The following NDC80 variants were observed in gnomAD, a reference collection of about 807,000 sequenced individuals.
NDC80 encodes kinetochore protein NDC80 homolog.
NDC80 carries 69 observed loss-of-function variants against 89.3 expected under a neutral mutation model. The observed-to-expected ratio is 0.77, with a 90% CI of 0.64 to 0.94. NDC80 has a LOEUF of 0.94. Among genes scored for constraint, NDC80 ranks in the 40% least tolerant of loss-of-function variants. The pLI, the probability that NDC80 is intolerant of heterozygous loss-of-function variation, is 0.00. For synonymous variants in NDC80, 243 were observed against 255.6 expected (o/e 0.95, Z 0.47); for missense variants, 593 against 739.6 (o/e 0.80, Z 2.30).
chr18:2,611,501 G>T (rs2072744417), intron 16 of NDC80, among the ~76,000 whole-genome samples: 2 of 152,126 alleles, frequency 1.3e-5, no homozygotes, highest in South Asian at 4.1e-4. Context: ...GTACATTTAG[G>T]ATTTCATTAA....
chr18:2,600,560 A>T (rs924612115), intron 12 of NDC80, among the ~76,000 whole-genome samples: 7 of 152,044 alleles, frequency 4.6e-5, no homozygotes, highest in Admixed American at 6.6e-5. Context: ...GTGAGCCAGG[A>T]TCACGCCACT....
chr18:2,588,936 T>A (rs73378230), intron 8 of NDC80, among the ~76,000 whole-genome samples: 2,735 of 152,166 alleles, frequency 0.018, 55 homozygotes, highest in South Asian at 0.044. Flanking sequence ...TACATTTTAG[T>A]AGACAGAAAG....
At chr18:2,611,614 C>T (rs1200432315) in intron 16 of NDC80, among the ~76,000 whole-genome samples, 1 of 152,122 alleles carries the variant, frequency 6.6e-6, no homozygotes, top group Non-Finnish European at 1.5e-5. Flanking sequence ...TTATTTACCT[C>T]ATCCCCACTC....
chr18:2,614,249 C>T (rs1291243015), intron 16 of NDC80, among the ~76,000 whole-genome samples: 5 of 151,942 alleles, frequency 3.3e-5, no homozygotes, highest in African/African-American at 1.2e-4. Context: ...CCATCCTGGC[C>T]AACATGGTGA....
At chr18:2,606,553 A>T (rs1755017639) in intron 14 of NDC80, 46 bp downstream of exon 14, 1 of 1,275,186 alleles carries the variant, frequency 7.8e-7, no homozygotes, top group African/African-American at 1.5e-5. Flanking sequence ...AAGCTATGTC[A>T]TGATTGCTTG....
At position 2,579,024 on chromosome 18, in the gene NDC80, A is replaced by C; in HGVS notation, c.574A>C (p.Ile192Leu). Residue 192 changes from isoleucine to leucine, a missense_variant, in exon 6 of 17, where the codon ATC (isoleucine) becomes CTC (leucine). Transcript: ENST00000261597. ...AGCCTTAGTTTGGCTAATAGACTGC[A>C]TCAAGGTATTTGATTTGTTCTTTTG... The part of the protein sequence containing the change: ...VAALVWLIDC[I>L]KIHTAMKESS... 6.5e-7 allele frequency: 1 copy of C among 1,530,058 alleles called. No homozygotes were observed. Among genetic ancestry groups the C allele is most frequent in the Non-Finnish European group, 8.8e-7 (1 of 1,137,130 alleles). 94.8% of individuals were successfully genotyped at this position (1,530,058 alleles called of 1,614,324 possible).
At chr18:2,584,303 T>TA (rs2072593541) in intron 6 of NDC80, among the ~76,000 whole-genome samples, 1 of 146,788 alleles carries the variant, frequency 6.8e-6, no homozygotes, top group Non-Finnish European at 1.5e-5. Flanking sequence ...AAAAAAAAAA[T>TA]ACATATTTAT....
At chr18:2,586,983 C>T (rs534574516) in intron 7 of NDC80, among the ~76,000 whole-genome samples, 54 of 152,292 alleles carry the variant, frequency 3.5e-4, no homozygotes, top group African/African-American at 1.2e-3. Context: ...CTTAAGGAAA[C>T]TGATTCAGTC....
intron 10 of NDC80, among the ~76,000 whole-genome samples, chr18:2,590,887 A>G (rs896940904): frequency 2.0e-5 from 3 of 151,942 alleles, no homozygotes; most frequent in African/African-American, 7.2e-5. Context: ...TTTGTGGTTA[A>G]TAAGCCAGAT....
intron 10 of NDC80, among the ~76,000 whole-genome samples, chr18:2,592,658 C>G (rs2072633393): frequency 6.6e-6 from 1 of 152,046 alleles, no homozygotes; most frequent in South Asian, 2.1e-4. Context: ...CACACCCAGC[C>G]ATAAATTTTA....
At position 2,573,098 on chromosome 18, in the gene NDC80, C is replaced by T; in HGVS notation, c.101+12C>T. 6.3e-7 allele frequency: 1 copy of T among 1,589,794 alleles called. No homozygotes were observed. ...TATACCCCTCAAACGTGAGTATTTC[C>T]CTTGTGGTTCTAATTTGCATGCTTT... On this transcript the variant is annotated intron_variant, in intron 2 of 16. Coordinates refer to ENST00000261597, the MANE Select transcript of NDC80 (RefSeq NM_006101.3).
At chr18:2,573,521 T>C (rs1243069884) in intron 2 of NDC80, among the ~76,000 whole-genome samples, 1 of 152,174 alleles carries the variant, frequency 6.6e-6, no homozygotes, top group African/African-American at 2.4e-5. Flanking sequence ...ACACCACTCC[T>C]CCGAACTCTT....
Position 2,590,029 on chromosome 18 carries a change from G to A in NDC80, c.882G>A (p.Glu294=). 3 of 1,600,550 alleles carry A rather than the reference G, an allele frequency of 1.9e-6. No individual in the cohort carries two copies. Among genetic ancestry groups the A allele is most frequent in the Non-Finnish European group, 2.6e-6 (3 of 1,173,804 alleles). ...CTTTTCTCTTAAAGAATCGTCTAGA[G>A]TCGTTGAGAAAACTGAAGGCTTCCT... ...QEREKEPNRL[E]SLRKLKASLQ... Residue 294 remains glutamate (E), a synonymous_variant, in exon 10 of 17, where the codon GAG becomes GAA. Transcript: ENST00000261597.
intron 5 of NDC80, 44 bp downstream of exon 5, chr18:2,578,185 G>C (rs773805617): frequency 2.6e-6 from 4 of 1,525,148 alleles, no homozygotes; most frequent in Admixed American, 2.0e-5. Context: ...CTGGCACACA[G>C]AGATGAAACA....
chr18:2,579,231 T>C, intron 6 of NDC80: 2 of 384,360 alleles, frequency 5.2e-6, no homozygotes, highest in Non-Finnish European at 9.2e-6. Context: ...GGAGATTATT[T>C]ATTATCATGA....
chr18:2,587,829 G>GT lies in NDC80; in HGVS notation c.671dup (p.Leu224PhefsTer11), dbSNP rs1234306983. 6.2e-7 allele frequency: 1 copy of GT among 1,611,468 alleles called. No individual in the cohort carries two copies. On this transcript the variant is annotated frameshift_variant and splice_region_variant. Transcript: ENST00000261597. LOFTEE classifies it high-confidence loss of function. Reference sequence around the variant, plus strand: ...TTTCTAAAATCTGCTTAACCCCATAGTTGTTTTTGGACTACACCATAAAAT... The same window carrying GT: ...TTTCTAAAATCTGCTTAACCCCATAGTTTGTTTTTGGACTACACCATAAAAT...
intron 12 of NDC80, among the ~76,000 whole-genome samples, chr18:2,599,910 C>A (rs2072675958): frequency 6.6e-6 from 1 of 152,112 alleles, no homozygotes; most frequent in South Asian, 2.1e-4. Context: ...GTGTTCCAGA[C>A]CAGCTACATA....
intron 16 of NDC80, among the ~76,000 whole-genome samples, chr18:2,612,991 A>T (rs558543027): frequency 6.6e-6 from 1 of 152,192 alleles, no homozygotes; most frequent in Non-Finnish European, 1.5e-5. Flanking sequence ...GAAAACAGAG[A>T]GGGGGGTTTA....
At position 2,608,802 on chromosome 18, in the gene NDC80, A is replaced by G. The variant is rs770309122; in HGVS notation, c.1660A>G (p.Met554Val). 4.3e-6 allele frequency: 7 copies of G among 1,612,296 alleles called. No homozygotes were observed. Among genetic ancestry groups the G allele is most frequent in the Non-Finnish European group, 5.9e-6 (7 of 1,178,640 alleles). ...STVNQGLSEAMNELDAVQREY... is the reference protein window; with the variant it reads ...STVNQGLSEAVNELDAVQREY... ...TGTTAACCAGGGGCTCAGTGAAGCT[A>G]TGAATGAATTAGATGCTGTTCAGCG... The change falls in exon 15 of 17, where the codon ATG becomes GTG. Residue 554 changes from methionine to valine, a missense_variant. Met to Val is a conservative substitution (Grantham distance 21, BLOSUM62 1). Coordinates refer to ENST00000261597, the MANE Select transcript of NDC80 (RefSeq NM_006101.3).
Sources: gnomAD v4.1 joint callset for allele counts (sites outside exome capture counted in the v4.1 genomes callset) on GRCh38, gnomAD v4.1.1 for gene constraint, MANE v1.5 for transcripts, NCBI Gene and HGNC (gene_info 2026-07-23, HGNC 2026-07-21) for gene names.